Variants in ERBB4 observed in about 807,000 individuals in gnomAD.
ERBB4 encodes erb-b2 receptor tyrosine kinase 4, also known as receptor tyrosine-protein kinase erbB-4.
A neutral mutation model predicts 158.0 loss-of-function variants in ERBB4; 42 were observed. The observed-to-expected ratio is 0.27, with a 90% CI of 0.21 to 0.34. The LOEUF is 0.34. ERBB4 is among the 10% of genes least tolerant of loss of function. The probability of loss-of-function intolerance (pLI) is 1.00; values close to 1 mark genes in which losing one functional copy is unlikely to be tolerated. For missense variants in ERBB4, 1,333 were observed against 1,624.1 expected (o/e 0.82, Z 3.08); for synonymous variants, 583 against 558.7 (o/e 1.04, Z -0.61).
rs1401217168 is a variant in ERBB4 at position 212,251,804 on chromosome 2, A to G, written c.83-126901T>C. Reference sequence around the variant, plus strand: ...AGACCATGTAGTTATTTGAAGATCCATTGCTGGCTGTTAGTCAAAAAGATA... The same window carrying G: ...AGACCATGTAGTTATTTGAAGATCCGTTGCTGGCTGTTAGTCAAAAAGATA... On this transcript the variant is annotated intron_variant, in intron 1 of 27. Coordinates refer to ENST00000342788, the MANE Select transcript of ERBB4 (RefSeq NM_005235.3). 2.6e-5 allele frequency among the ~76,000 whole-genome samples: 4 copies of G among 151,078 alleles called. No individual in the cohort carries two copies. The East Asian group carries it at 5.8e-4, about 22-fold the overall frequency.
intron 1 of ERBB4, among the ~76,000 whole-genome samples, chr2:212,195,694 A>G (rs1192488526): frequency 1.3e-5 from 2 of 152,072 alleles, no homozygotes; most frequent in Non-Finnish European, 2.9e-5. Flanking sequence ...AAAATAAACA[A>G]CAAAAACATG....
At chr2:211,684,279 C>T (rs4493186) in intron 12 of ERBB4, among the ~76,000 whole-genome samples, 14,298 of 151,986 alleles carry the variant, frequency 0.094, 729 homozygotes, top group Admixed American at 0.15. Flanking sequence ...TGATGAAACC[C>T]GATCTCTACT....
At chr2:212,312,333 T>C (rs2087084515) in intron 1 of ERBB4, among the ~76,000 whole-genome samples, 1 of 150,976 alleles carries the variant, frequency 6.6e-6, no homozygotes, top group Non-Finnish European at 1.5e-5. Flanking sequence ...TTTTTTTAAT[T>C]TAGTGAAAGT....
At chr2:211,905,716 ATGTG>A (rs1227493564) in intron 3 of ERBB4, among the ~76,000 whole-genome samples, 6 of 103,632 alleles carry the variant, frequency 5.8e-5, no homozygotes, top group Non-Finnish European at 1.0e-4. Context: ...GTGTGTATAT[ATGTG>A]TGTGTATGTG....
chr2:211,598,045 T>C (rs2068692277), intron 19 of ERBB4, among the ~76,000 whole-genome samples: 2 of 152,198 alleles, frequency 1.3e-5, no homozygotes, highest in Admixed American at 1.3e-4. Context: ...CCATCTGACA[T>C]GCTTGGTGGC....
intron 20 of ERBB4, among the ~76,000 whole-genome samples, chr2:211,438,974 C>T (rs1423411817): frequency 6.9e-6 from 1 of 145,456 alleles, no homozygotes; most frequent in East Asian, 2.0e-4. Context: ...ACAGATAGTC[C>T]CAATAATATA....
At chr2:211,736,641 C>CTA in intron 5 of ERBB4, among the ~76,000 whole-genome samples, 1 of 152,246 alleles carries the variant, frequency 6.6e-6, no homozygotes, top group African/African-American at 2.4e-5. Context: ...TTTTAGGATT[C>CTA]TAGAGGATAT....
At chr2:211,437,574 A>G (rs1409895896) in intron 20 of ERBB4, among the ~76,000 whole-genome samples, 1 of 152,212 alleles carries the variant, frequency 6.6e-6, no homozygotes, top group African/African-American at 2.4e-5. Flanking sequence ...CAGCTGCCGG[A>G]AGCTAAAGGA....
intron 1 of ERBB4, among the ~76,000 whole-genome samples, chr2:212,136,349 A>G (rs2080270630): frequency 6.6e-6 from 1 of 152,206 alleles, no homozygotes; most frequent in African/African-American, 2.4e-5. Flanking sequence ...AATAATATGC[A>G]ATAGGCACTA....
chr2:211,833,234 A>G (rs1246953850), intron 3 of ERBB4, among the ~76,000 whole-genome samples: 3 of 152,242 alleles, frequency 2.0e-5, no homozygotes, highest in African/African-American at 2.4e-5. Context: ...ATGATTGCAC[A>G]TAAGTACTCT....
intron 20 of ERBB4, among the ~76,000 whole-genome samples, chr2:211,462,059 G>A (rs1359858763): frequency 1.3e-5 from 2 of 151,938 alleles, no homozygotes; most frequent in Non-Finnish European, 2.9e-5. Context: ...AAGAAAAGAG[G>A]TTTAATTGAC....
intron 1 of ERBB4, among the ~76,000 whole-genome samples, chr2:212,272,987 A>T (rs1304322373): frequency 1.3e-5 from 2 of 151,672 alleles, no homozygotes; most frequent in African/African-American, 2.4e-5. Flanking sequence ...GCAAGTTAGG[A>T]TGGCCAACAT....
intron 12 of ERBB4, among the ~76,000 whole-genome samples, chr2:211,681,299 G>T (rs1000715180): frequency 6.6e-6 from 1 of 152,140 alleles, no homozygotes; most frequent in Non-Finnish European, 1.5e-5. Flanking sequence ...GTTAAAAATA[G>T]TAGTAGTAGA....
chr2:211,886,576 G>T (rs1355041605), intron 3 of ERBB4, among the ~76,000 whole-genome samples: 1 of 152,078 alleles, frequency 6.6e-6, no homozygotes, highest in Admixed American at 6.6e-5. Flanking sequence ...AAACATATGG[G>T]AAAAGAAATA....
chr2:212,098,378 T>C (rs530493977), intron 2 of ERBB4, among the ~76,000 whole-genome samples: 2 of 152,304 alleles, frequency 1.3e-5, no homozygotes, highest in South Asian at 4.1e-4. Context: ...TGAGGCCAGA[T>C]TTGAGAAAAA....
intron 1 of ERBB4, among the ~76,000 whole-genome samples, chr2:212,527,097 C>T (rs1253181851): frequency 6.6e-6 from 1 of 151,954 alleles, no homozygotes. Context: ...TATATCCAAA[C>T]TGGCAGGGTT....
Position 212,423,354 on chromosome 2 carries a change from C to T in ERBB4, c.82+115095G>A, listed in dbSNP as rs537279669. ...AGATGCCAAAAGCTACAGTGATTAT[C>T]TGAATCACAGAAAAAAGAGGTGTCA... On this transcript the variant is annotated intron_variant, in intron 1 of 27. Transcript: ENST00000342788. Among the ~76,000 whole-genome samples, 5 of 152,258 alleles carry T rather than the reference C, an allele frequency of 3.3e-5. No homozygotes were observed. The East Asian group carries it at 9.7e-4, about 29-fold the overall frequency.
intron 1 of ERBB4, among the ~76,000 whole-genome samples, chr2:212,190,223 T>C (rs2125707936): frequency 6.6e-6 from 1 of 152,308 alleles, no homozygotes; most frequent in Non-Finnish European, 1.5e-5. Flanking sequence ...GCAATCAACT[T>C]AGATAATTTC....
At chr2:211,692,273 C>T (rs1360781546) in intron 12 of ERBB4, among the ~76,000 whole-genome samples, 3 of 152,144 alleles carry the variant, frequency 2.0e-5, no homozygotes, top group Non-Finnish European at 4.4e-5. Context: ...GTTGTTCGAA[C>T]CCCTGGATCC....
Sources: allele counts gnomAD v4.1 joint callset (sites outside exome capture counted in the v4.1 genomes callset), GRCh38; gene constraint gnomAD v4.1.1; transcripts MANE v1.5; gene names NCBI Gene and HGNC (gene_info 2026-07-23, HGNC 2026-07-21).